PCDHGA1: variants seen among roughly 807,000 people sequenced by gnomAD.
PCDHGA1 encodes protocadherin gamma subfamily A, 1.
A neutral mutation model predicts 58.0 loss-of-function variants in PCDHGA1; 32 were observed. That is an observed-to-expected ratio of 0.55 (90% CI 0.42 to 0.74). The LOEUF is 0.74. Ranked by LOEUF, PCDHGA1 falls within the 30% of genes least tolerant of loss-of-function variation. The pLI is 0.00. For missense variants in PCDHGA1, 1,205 were observed against 1,182.3 expected, an observed-to-expected ratio of 1.02 and a Z score of -0.28; for synonymous variants, 498 against 501.1, an observed-to-expected ratio of 0.99 and a Z score of 0.08.
At chr5:141,483,972 A>G in intron 1 of PCDHGA1, among the ~76,000 whole-genome samples, 1 of 83,960 alleles carries the variant, frequency 1.2e-5, no homozygotes, top group Admixed American at 1.8e-4. Context: ...TGCTTGTGCA[A>G]GGGAGTAGCT....
intron 1 of PCDHGA1, chr5:141,385,164 T>A (rs758100484): frequency 9.3e-6 from 15 of 1,614,168 alleles, no homozygotes; most frequent in Non-Finnish European, 1.3e-5. Flanking sequence ...CCTATTCCCA[T>A]GAGGTCTCCC....
At chr5:141,382,115 A>G (rs1777964060) in intron 1 of PCDHGA1, among the ~76,000 whole-genome samples, 2 of 152,100 alleles carry the variant, frequency 1.3e-5, no homozygotes, top group African/African-American at 4.8e-5. Flanking sequence ...GGCGTGAGCA[A>G]CAGCACCTGG....
chr5:141,390,388 G>C, intron 1 of PCDHGA1: 1 of 1,423,474 alleles, frequency 7.0e-7, no homozygotes, highest in Admixed American at 2.1e-5. Context: ...TAGATGTCAT[G>C]GATCATTTTA....
At chr5:141,374,109 A>C (rs1422319467) in intron 1 of PCDHGA1, 1 of 1,576,270 alleles carries the variant, frequency 6.3e-7, no homozygotes, top group Admixed American at 1.8e-5. Flanking sequence ...AGGCATCCGC[A>C]GCGCAGCGAG....
chr5:141,457,335 A>G (rs2098917073), intron 1 of PCDHGA1, among the ~76,000 whole-genome samples: 1 of 152,172 alleles, frequency 6.6e-6, no homozygotes, highest in Admixed American at 6.5e-5. Flanking sequence ...CAGGTACCTT[A>G]CTTACTTTCA....
intron 1 of PCDHGA1, chr5:141,426,513 C>T (rs780618436): frequency 6.2e-5 from 21 of 341,148 alleles, no homozygotes; most frequent in Non-Finnish European, 1.1e-4. Context: ...AATACTTTAC[C>T]GTGAACACGG....
At chr5:141,371,256 G>A in intron 1 of PCDHGA1, 2 of 1,614,052 alleles carry the variant, frequency 1.2e-6, no homozygotes, top group East Asian at 2.2e-5. Context: ...TGGCAAGGAA[G>A]TGAGACAACT....
rs1225069715 is a variant in PCDHGA1, at chr5:141,332,402, C to G, written c.1718C>G (p.Thr573Ser). 9.9e-6 allele frequency: 16 copies of G among 1,614,070 alleles called. No homozygotes were observed. Among genetic ancestry groups the G allele is most frequent in the Non-Finnish European group, 1.4e-5 (16 of 1,180,052 alleles). Reference protein sequence around the residue: ...LYPALPTDGSTGVELAPLSAE... With the variant: ...LYPALPTDGSSGVELAPLSAE... Reference sequence around the variant, plus strand: ...CCCGCCCTCCCCACAGATGGTTCTACCGGCGTGGAGCTGGCGCCCCTCTCC... The same window carrying G: ...CCCGCCCTCCCCACAGATGGTTCTAGCGGCGTGGAGCTGGCGCCCCTCTCC... The change falls in exon 1 of 4, where the codon ACC becomes AGC. Residue 573 changes from threonine to serine, a missense_variant. Coordinates refer to ENST00000517417, the MANE Select transcript of PCDHGA1 (RefSeq NM_018912.3). This position sits in a 1 kb window ranked among gnomAD's most constrained non-coding sequence, Gnocchi z 4.6.
At position 141,486,272 on chromosome 5, in the gene PCDHGA1, A is replaced by C. The variant is rs2099627166; in HGVS notation, c.2422-8535A>C. On this transcript the variant is annotated intron_variant, in intron 1 of 3. Transcript: ENST00000517417. The surrounding 1 kb of genome is among the most constrained non-coding windows in gnomAD (Gnocchi z 5.0). ...CCTCCCCGAGAGTGCAGAACCTGGC[A>C]CTGTGGTGGCACTTATCAGTGTGCA... 1 of 1,613,886 alleles carries C rather than the reference A, an allele frequency of 6.2e-7. No individual in the cohort carries two copies. Among genetic ancestry groups the C allele is most frequent in the Non-Finnish European group, 8.5e-7 (1 of 1,179,986 alleles).
intron 1 of PCDHGA1, chr5:141,404,764 C>G: frequency 6.2e-7 from 1 of 1,613,920 alleles, no homozygotes; most frequent in Non-Finnish European, 8.5e-7. Context: ...ATGCTTGGCT[C>G]TCCTACCGCC....
chr5:141,368,854 T>C (rs1426770284), intron 1 of PCDHGA1, among the ~76,000 whole-genome samples: 1 of 152,192 alleles, frequency 6.6e-6, no homozygotes, highest in Non-Finnish European at 1.5e-5. Context: ...GCACTTGCTT[T>C]GGAATGTTTT....
intron 1 of PCDHGA1, chr5:141,344,191 G>T (rs1281454137): frequency 1.2e-6 from 2 of 1,613,900 alleles, no homozygotes; most frequent in African/African-American, 2.7e-5. Context: ...AACGACCTGG[G>T]GCTAGAGCCC....
rs570673080 is a variant in PCDHGA1 at position 141,360,152 on chromosome 5, G to A, written c.2421+27047G>A. ...AGCCAGAAGATGAAAGCGAGCTCAGGGAGGTGCGGGCTGGTGCGGTGGCTG... is the reference window on the plus strand; with the variant it reads ...AGCCAGAAGATGAAAGCGAGCTCAGAGAGGTGCGGGCTGGTGCGGTGGCTG... On this transcript the variant is annotated intron_variant, in intron 1 of 3. Coordinates refer to ENST00000517417, the MANE Select transcript of PCDHGA1 (RefSeq NM_018912.3). 6.9e-6 allele frequency: 11 copies of A among 1,603,472 alleles called. No homozygotes were observed. In the Admixed American group the frequency reaches 1.9e-4, roughly 27 times the overall value.
chr5:141,409,849 C>A (rs772503820), intron 1 of PCDHGA1: 1 of 1,612,106 alleles, frequency 6.2e-7, no homozygotes, highest in South Asian at 1.1e-5. Context: ...TGAGCCTGCG[C>A]GTGTTGGTGG....
At position 141,490,954 on chromosome 5, in the gene PCDHGA1, G is replaced by A. The variant is rs749646808; in HGVS notation, c.2422-3853G>A. On this transcript the variant is annotated intron_variant, in intron 1 of 3. Coordinates refer to ENST00000517417, the MANE Select transcript of PCDHGA1 (RefSeq NM_018912.3). This position sits in a 1 kb window ranked among gnomAD's most constrained non-coding sequence, Gnocchi z 5.4. ...TGTGCTGCACCCACGGCCAGACTGGGAACACTCAGCCCCCCAGCGTCTCCC... is the reference window on the plus strand; with the variant it reads ...TGTGCTGCACCCACGGCCAGACTGGAAACACTCAGCCCCCCAGCGTCTCCC... 9 of 1,613,662 alleles carry A rather than the reference G, an allele frequency of 5.6e-6. No individual in the cohort carries two copies. The African/African-American group carries it at 8.0e-5, about 14-fold the overall frequency.
chr5:141,487,237 T>G lies in PCDHGA1; in HGVS notation c.2422-7570T>G, dbSNP rs1327004790. ...CAGCTCCAAGGGAAGGAGAATCTCGTCTAACCCTCTACTTGGCTGTGTCCC... is the reference window on the plus strand; with the variant it reads ...CAGCTCCAAGGGAAGGAGAATCTCGGCTAACCCTCTACTTGGCTGTGTCCC... On this transcript the variant is annotated intron_variant, in intron 1 of 3. Transcript: ENST00000517417. This position sits in a 1 kb window ranked among gnomAD's most constrained non-coding sequence, Gnocchi z 5.0. 1.2e-6 allele frequency: 2 copies of G among 1,614,004 alleles called. No individual in the cohort carries two copies. The highest frequency in any genetic ancestry group is 1.7e-6 in the Non-Finnish European group (2 of 1,179,988).
rs763843041 is a variant in PCDHGA1, at chr5:141,330,758, A to AAG, written c.75_76dup (p.Ala26GlufsTer21). ...TGTCTTTCTCTGGAGCTGCTGTTGG[A>AAG]AGCTGGGGCTGGGAATATTCACTAC... On this transcript the variant is annotated frameshift_variant, in exon 1 of 4. Coordinates refer to ENST00000517417, the MANE Select transcript of PCDHGA1 (RefSeq NM_018912.3). LOFTEE classifies it high-confidence loss of function. The AAG allele has an allele frequency of 6.2e-7, 1 of 1,614,152 alleles. No individual in the cohort carries two copies. The highest frequency in any genetic ancestry group is 1.1e-5 in the South Asian group (1 of 91,086).
intron 1 of PCDHGA1, among the ~76,000 whole-genome samples, chr5:141,474,143 TATC>T (rs1371874237): frequency 1.3e-5 from 2 of 152,188 alleles, no homozygotes; most frequent in Non-Finnish European, 2.9e-5. Context: ...CAGGCCTTAT[TATC>T]AAGAAAATGA....
intron 1 of PCDHGA1, chr5:141,421,189 C>T: frequency 1.4e-6 from 2 of 1,477,674 alleles, no homozygotes; most frequent in South Asian, 2.7e-5. Flanking sequence ...CACAACCAAC[C>T]AGCTCGAGAA....
Sources: gnomAD v4.1 joint callset for allele counts (sites outside exome capture counted in the v4.1 genomes callset) on GRCh38, gnomAD v4.1.1 for gene constraint, Gnocchi (gnomAD v3.1) non-coding constraint, MANE v1.5 for transcripts, NCBI Gene and HGNC (gene_info 2026-07-23, HGNC 2026-07-21) for gene names.